Variants in ZNF717 observed in about 807,000 individuals in gnomAD.
ZNF717 encodes zinc finger protein 717, also known as krueppel-like factor X17.
A neutral mutation model predicts 13.8 loss-of-function variants in ZNF717; 9 were observed. The ratio of observed to expected loss-of-function variants is 0.65; its 90% CI spans 0.39 to 1.14. The LOEUF is 1.14. ZNF717 is among the 50% of genes most tolerant of loss of function. ZNF717 has a pLI of 0.01. For synonymous variants in ZNF717, 327 were observed against 364.1 expected (o/e 0.90, Z 1.16); for missense variants, 1,040 against 1,080.7 (o/e 0.96, Z 0.53).
At chr3:75,763,082 A>C (rs1943165251) in intron 2 of ZNF717, among the ~76,000 whole-genome samples, 1 of 152,252 alleles carries the variant, frequency 6.6e-6, no homozygotes, top group Non-Finnish European at 1.5e-5. Flanking sequence ...AGAATTATCA[A>C]ACTCCTAGGC....
intron 4 of ZNF717, among the ~76,000 whole-genome samples, chr3:75,740,303 ATAAT>A (rs1180453329): frequency 1.3e-5 from 2 of 152,218 alleles, no homozygotes; most frequent in Non-Finnish European, 2.9e-5. Context: ...TCAACAGGAA[ATAAT>A]TAGTTTCTTT....
intron 2 of ZNF717, among the ~76,000 whole-genome samples, chr3:75,744,928 C>G (rs1483169378): frequency 6.6e-6 from 1 of 152,228 alleles, no homozygotes; most frequent in South Asian, 2.1e-4. Flanking sequence ...TCATGTTCCG[C>G]CCAAGGTGGA....
downstream of ZNF717, among the ~76,000 whole-genome samples, chr3:75,734,041 A>G (rs1938853040): frequency 6.7e-6 from 1 of 149,250 alleles, no homozygotes; most frequent in Non-Finnish European, 1.5e-5. Context: ...AAAGATACAC[A>G]TCTGAAAACT....
At chr3:75,747,219 A>C (rs1215061991) in intron 2 of ZNF717, among the ~76,000 whole-genome samples, 562 of 152,094 alleles carry the variant, frequency 3.7e-3, no homozygotes, top group Middle Eastern at 0.014. Context: ...ATTGGTCTAT[A>C]TCTCTGTTTT....
chr3:75,768,118 C>G (rs1943622336), intron 2 of ZNF717, among the ~76,000 whole-genome samples: 1 of 152,220 alleles, frequency 6.6e-6, no homozygotes, highest in Non-Finnish European at 1.5e-5. Context: ...GCAACAGGTG[C>G]CCCATGGGAA....
chr3:75,781,309 A>G (rs1944802652), intron 2 of ZNF717, among the ~76,000 whole-genome samples: 2 of 152,190 alleles, frequency 1.3e-5, no homozygotes, highest in Non-Finnish European at 2.9e-5. Context: ...TTGTTTCTGT[A>G]CCTCACTTCT....
At chr3:75,779,218 G>C (rs1426727393) in intron 2 of ZNF717, among the ~76,000 whole-genome samples, 1 of 148,936 alleles carries the variant, frequency 6.7e-6, no homozygotes, top group Non-Finnish European at 1.5e-5. Context: ...AACAATGGGA[G>C]TGATCTGCTA....
At chr3:75,706,765 G>A (rs1428536656), downstream of ZNF717, among the ~76,000 whole-genome samples, 104 of 152,308 alleles carry the variant, frequency 6.8e-4, no homozygotes, top group East Asian at 0.02. Context: ...GGTGACTCTT[G>A]AAGTGGCAGA....
chr3:75,763,651 G>C (rs1367094188), intron 2 of ZNF717, among the ~76,000 whole-genome samples: 1 of 152,222 alleles, frequency 6.6e-6, no homozygotes, highest in Non-Finnish European at 1.5e-5. Flanking sequence ...CCCAGGATTA[G>C]GCCCTGCAGC....
chr3:75,737,320 CA>C lies in ZNF717; in HGVS notation c.2302del (p.Cys768ValfsTer126). On this transcript the variant is annotated frameshift_variant, in exon 5 of 5. Coordinates refer to ENST00000652011, the MANE Select transcript of ZNF717 (RefSeq NM_001290208.3). LOFTEE classifies it low-confidence loss of function (END_TRUNC). Reference sequence around the variant, plus strand: ...ATGCGTACTGAGGTTTGACTTGTGACAAAAGGTTTTCCCACACTCATTACAT... The same window carrying C: ...ATGCGTACTGAGGTTTGACTTGTGACAAAGGTTTTCCCACACTCATTACAT... The part of the protein sequence containing the change: ...YECNECGKTF[C>X]HKSNLSTHQG... 1 of 1,552,620 alleles carries C rather than the reference CA, an allele frequency of 6.4e-7. No homozygotes were observed. The highest frequency in any genetic ancestry group is 1.2e-5 in the South Asian group (1 of 84,098).
At chr3:75,718,635 T>C (rs77915760) in intron 4 of ZNF717, among the ~76,000 whole-genome samples, 16 of 152,072 alleles carry the variant, frequency 1.1e-4, no homozygotes, top group Non-Finnish European at 1.3e-4. Flanking sequence ...GCAGGGAGGA[T>C]AGTTGCAGGA....
At chr3:75,702,421 A>G (rs1295936128) in intron 6 of ZNF717, among the ~76,000 whole-genome samples, 1 of 152,306 alleles carries the variant, frequency 6.6e-6, no homozygotes, top group African/African-American at 2.4e-5. Flanking sequence ...AACATTCAAA[A>G]CAATAGGTGT....
At chr3:75,748,210 C>G (rs1372278662) in intron 2 of ZNF717, among the ~76,000 whole-genome samples, 1 of 152,060 alleles carries the variant, frequency 6.6e-6, no homozygotes, top group Admixed American at 6.6e-5. Flanking sequence ...GCTTACCAAC[C>G]AAAAAGAGTC....
downstream of ZNF717, among the ~76,000 whole-genome samples, chr3:75,728,851 G>C (rs1474683949): frequency 2.0e-5 from 3 of 152,114 alleles, no homozygotes; most frequent in Non-Finnish European, 4.4e-5. Context: ...TTGTCTCAGT[G>C]AATCTCATTT....
intron 2 of ZNF717, among the ~76,000 whole-genome samples, chr3:75,751,460 G>A (rs1575834678): frequency 6.6e-6 from 1 of 151,034 alleles, no homozygotes; most frequent in Non-Finnish European, 1.5e-5. Context: ...CTGAATGTTT[G>A]TCCCTCACAT....
chr3:75,752,314 T>C (rs1941925346), intron 2 of ZNF717, among the ~76,000 whole-genome samples: 2 of 15,652 alleles, frequency 1.3e-4, no homozygotes, highest in Admixed American at 6.9e-4. Context: ...TCTGAATGTT[T>C]GTCCCTCACA....
At chr3:75,744,774 T>C (rs1940954386) in intron 2 of ZNF717, among the ~76,000 whole-genome samples, 1 of 152,252 alleles carries the variant, frequency 6.6e-6, no homozygotes, top group African/African-American at 2.4e-5. Context: ...AAAACCATTT[T>C]GAAATATGTC....
chr3:75,752,220 T>C (rs1379425971), intron 2 of ZNF717, among the ~76,000 whole-genome samples: 2 of 151,388 alleles, frequency 1.3e-5, no homozygotes, highest in East Asian at 2.0e-4. Flanking sequence ...TGAATGTTTT[T>C]CCCTCACATA....
At chr3:75,703,439 A>G (rs2106817267) in intron 6 of ZNF717, among the ~76,000 whole-genome samples, 1 of 152,376 alleles carries the variant, frequency 6.6e-6, no homozygotes, top group South Asian at 2.1e-4. Flanking sequence ...CTGAGGCAGG[A>G]GAATTGCTTG....
Sources: allele counts gnomAD v4.1 joint callset (sites outside exome capture counted in the v4.1 genomes callset), GRCh38; gene constraint gnomAD v4.1.1; transcripts MANE v1.5; gene names NCBI Gene and HGNC (gene_info 2026-07-23, HGNC 2026-07-21).